The following ZNF148 variants were observed in gnomAD, a reference collection of about 807,000 sequenced individuals.
ZNF148 encodes zinc finger protein 148.
ZNF148 carries 7 observed loss-of-function variants against 67.7 expected under a neutral mutation model. That is an observed-to-expected ratio of 0.10 (90% CI 0.06 to 0.19). The LOEUF is 0.19. Ranked by LOEUF, ZNF148 falls within the 10% of genes least tolerant of loss-of-function variation. The probability of loss-of-function intolerance (pLI) is 1.00; values close to 1 mark genes in which losing one functional copy is unlikely to be tolerated. For synonymous variants in ZNF148, 333 were observed against 330.7 expected, an observed-to-expected ratio of 1.01 and a Z score of -0.08; for missense variants, 583 against 947.1, an observed-to-expected ratio of 0.62 and a Z score of 5.05.
chr3:125,323,796 TA>T (rs1940893945), intron 2 of ZNF148, among the ~76,000 whole-genome samples: 1 of 151,982 alleles, frequency 6.6e-6, no homozygotes, highest in East Asian at 1.9e-4. Context: ...CCGTCTCTAC[TA>T]AAAATACAAA....
At chr3:125,263,998 G>C (rs1419358594) in intron 7 of ZNF148, among the ~76,000 whole-genome samples, 1 of 152,220 alleles carries the variant, frequency 6.6e-6, no homozygotes, top group African/African-American at 2.4e-5. Context: ...AAGCCCCTAA[G>C]TAATGAGGTT....
chr3:125,317,662 T>TATATAGAGAGAGAGAGAGAG lies in ZNF148; in HGVS notation c.-16-4007_-16-4006insCTCTCTCTCTCTCTCTATAT, dbSNP rs752542874. Among the ~76,000 whole-genome samples, 675 of 89,942 alleles carry TATATAGAGAGAGAGAGAGAG rather than the reference T, an allele frequency of 7.5e-3. 5 individuals are homozygous for TATATAGAGAGAGAGAGAGAG. The highest frequency in any genetic ancestry group is 0.014 in the South Asian group (35 of 2,592). 59.0% of individuals were successfully genotyped at this position (89,942 alleles called of 152,430 possible). A position where few individuals can be genotyped will look rare whatever the true frequency, so the allele number is the denominator to read the frequency against. On this transcript the variant is annotated intron_variant, in intron 3 of 8. Coordinates refer to ENST00000360647, the MANE Select transcript of ZNF148 (RefSeq NM_021964.3). The stretch of plus-strand genomic sequence containing the variant: ...GATCTTTTATATATATATATATATA[T>TATATAGAGAGAGAGAGAGAG]AGAGAGAGAGAGAGAGAAATACATA...
intron 1 of ZNF148, among the ~76,000 whole-genome samples, chr3:125,342,719 G>A (rs1026979423): frequency 1.3e-5 from 2 of 151,906 alleles, no homozygotes; most frequent in East Asian, 1.9e-4. Context: ...CAGAAAGAAC[G>A]GAAATATAGG....
At chr3:125,338,846 G>T (rs980882276) in intron 1 of ZNF148, 1 of 151,984 alleles carries the variant, frequency 6.6e-6, no homozygotes, top group African/African-American at 2.4e-5. Flanking sequence ...GAACCAATCC[G>T]ATCTACTCTG....
intron 7 of ZNF148, among the ~76,000 whole-genome samples, chr3:125,256,407 T>C (rs1173451775): frequency 6.8e-6 from 1 of 147,518 alleles, no homozygotes; most frequent in Non-Finnish European, 1.5e-5. Context: ...CTAGGTGTGG[T>C]GGCTCATGCC....
intron 1 of ZNF148, among the ~76,000 whole-genome samples, chr3:125,366,592 T>C (rs1942710709): frequency 6.6e-6 from 1 of 152,224 alleles, no homozygotes; most frequent in Non-Finnish European, 1.5e-5. Flanking sequence ...CCTGCCACTG[T>C]TAAGGACAGT....
chr3:125,240,775 A>AAAAAACC (rs548899823), intron 7 of ZNF148, among the ~76,000 whole-genome samples: 1 of 151,804 alleles, frequency 6.6e-6, no homozygotes, highest in African/African-American at 2.4e-5. Context: ...CAAAAAAAAA[A>AAAAAACC]AAAAACCAAA....
At chr3:125,328,756 C>T (rs988135327) in intron 2 of ZNF148, among the ~76,000 whole-genome samples, 2 of 151,796 alleles carry the variant, frequency 1.3e-5, no homozygotes, top group Admixed American at 6.6e-5. Flanking sequence ...CACATTATGG[C>T]CAATAATAAT....
At chr3:125,356,593 T>C (rs1198707896) in intron 1 of ZNF148, among the ~76,000 whole-genome samples, 1 of 152,204 alleles carries the variant, frequency 6.6e-6, no homozygotes, top group East Asian at 1.9e-4. Context: ...CCTTTACCAC[T>C]GCCCTCTATA....
chr3:125,325,884 G>A (rs1940996114), intron 2 of ZNF148, among the ~76,000 whole-genome samples: 1 of 152,170 alleles, frequency 6.6e-6, no homozygotes, highest in Non-Finnish European at 1.5e-5. Context: ...AGTCAAACTT[G>A]TTGAAAGCAA....
intron 3 of ZNF148, among the ~76,000 whole-genome samples, chr3:125,320,516 A>G (rs1940723165): frequency 1.3e-5 from 2 of 152,200 alleles, no homozygotes; most frequent in South Asian, 4.1e-4. Context: ...TGAGTTTGGT[A>G]GTAATATTAT....
At chr3:125,315,066 T>C (rs992638995) in intron 3 of ZNF148, 1 of 151,952 alleles carries the variant, frequency 6.6e-6, no homozygotes, top group Admixed American at 6.6e-5. Flanking sequence ...GTCTCAAAAA[T>C]AAACAAATAA....
At position 125,225,833 on chromosome 3, in the gene ZNF148, A is replaced by G. The variant is rs1264096902; in HGVS notation, c.*6508T>C. The stretch of plus-strand genomic sequence containing the variant: ...ACTATCAGTGGTATTATTATGTACA[A>G]TTGGTTAAAGCACCATGCTAATAAT... On this transcript the variant is annotated 3_prime_UTR_variant, in exon 9 of 9. Coordinates refer to ENST00000360647, the MANE Select transcript of ZNF148 (RefSeq NM_021964.3). 6.6e-6 allele frequency: 1 copy of G among 152,198 alleles called. No homozygotes were observed. The highest frequency in any genetic ancestry group is 2.1e-4 in the South Asian group (1 of 4,836). The allele number at this position is 152,198 out of a possible 1,614,324, so 9.4% of individuals were successfully genotyped here.
chr3:125,298,233 T>C (rs912876277), intron 4 of ZNF148, among the ~76,000 whole-genome samples: 33 of 152,244 alleles, frequency 2.2e-4, no homozygotes, highest in African/African-American at 6.5e-4. Context: ...ACACGAGATG[T>C]TCACTTCAGA....
intron 7 of ZNF148, among the ~76,000 whole-genome samples, chr3:125,245,200 A>G (rs999352008): frequency 2.6e-5 from 4 of 151,978 alleles, no homozygotes; most frequent in Admixed American, 2.0e-4. Flanking sequence ...CCGCACCCAA[A>G]TTTCATCTCA....
intron 3 of ZNF148, among the ~76,000 whole-genome samples, chr3:125,322,466 C>A (rs1052731551): frequency 3.4e-5 from 5 of 147,276 alleles, no homozygotes; most frequent in Admixed American, 2.7e-4. Context: ...CACTTCCCAG[C>A]CTCCTTTGCA....
intron 3 of ZNF148, among the ~76,000 whole-genome samples, chr3:125,320,654 T>C (rs1016450430): frequency 6.6e-6 from 1 of 152,298 alleles, no homozygotes; most frequent in East Asian, 1.9e-4. Context: ...CTTAAAATAT[T>C]CTCACAAATT....
chr3:125,235,549 C>T (rs528630193), intron 7 of ZNF148, among the ~76,000 whole-genome samples: 1 of 152,250 alleles, frequency 6.6e-6, no homozygotes, highest in East Asian at 1.9e-4. Context: ...TGAAAGGTAT[C>T]TTTAAGTTTC....
At chr3:125,239,200 T>C (rs554967143) in intron 7 of ZNF148, among the ~76,000 whole-genome samples, 3 of 152,332 alleles carry the variant, frequency 2.0e-5, no homozygotes, top group South Asian at 2.1e-4. Flanking sequence ...TGCACACTTA[T>C]GATAAACTTC....
Sources: gnomAD v4.1 joint callset for allele counts (sites outside exome capture counted in the v4.1 genomes callset) on GRCh38, gnomAD v4.1.1 for gene constraint, MANE v1.5 for transcripts, NCBI Gene and HGNC (gene_info 2026-07-23, HGNC 2026-07-21) for gene names.